The following CRKL variants were observed in gnomAD, a reference collection of about 807,000 sequenced individuals.
The protein encoded by CRKL is crk-like protein.
Under a neutral mutation model 23.0 loss-of-function variants are expected in CRKL, and 3 were observed. The ratio of observed to expected loss-of-function variants is 0.13; its 90% CI spans 0.06 to 0.34. The LOEUF is 0.34. Among genes scored for constraint, CRKL ranks in the 10% least tolerant of loss-of-function variants. The pLI, the probability that CRKL is intolerant of heterozygous loss-of-function variation, is 1.00. For missense variants in CRKL, 256 were observed against 394.5 expected, an observed-to-expected ratio of 0.65 and a Z score of 2.97; for synonymous variants, 188 against 160.7, an observed-to-expected ratio of 1.17 and a Z score of -1.28.
At chr22:20,925,648 G>T (rs1285571933) in intron 1 of CRKL, among the ~76,000 whole-genome samples, 2 of 152,178 alleles carry the variant, frequency 1.3e-5, no homozygotes, top group Admixed American at 6.5e-5. Context: ...AAGTTGGGTG[G>T]GGCCACCAGG....
intron 2 of CRKL, among the ~76,000 whole-genome samples, chr22:20,936,394 G>T (rs1921661708): frequency 6.6e-6 from 1 of 152,152 alleles, no homozygotes. Flanking sequence ...TGTTGCCCAG[G>T]CTGGAGTGCA....
rs1323323655 is a variant in CRKL, at chr22:20,953,677, C to G, written c.*3832C>G. ...CGTTTTACGTTACTGGTCCCAGCAT[C>G]AAAACCCTTGTTTCCATGGCCTGTT... On this transcript the variant is annotated 3_prime_UTR_variant, in exon 3 of 3. Coordinates refer to ENST00000354336, the MANE Select transcript of CRKL (RefSeq NM_005207.4). The G allele has an allele frequency of 3.6e-5, 7 of 196,604 alleles. No individual in the cohort carries two copies. The Admixed American group carries it at 4.3e-4, about 12-fold the overall frequency. 12.2% of individuals were successfully genotyped at this position (196,604 alleles called of 1,614,324 possible). A position where few individuals can be genotyped will look rare whatever the true frequency, so the allele number is the denominator to read the frequency against.
At chr22:20,918,530 C>T (rs1929775955) in intron 1 of CRKL, among the ~76,000 whole-genome samples, 2 of 151,260 alleles carry the variant, frequency 1.3e-5, no homozygotes, top group East Asian at 1.9e-4. Context: ...CGCTTTTTGC[C>T]TTTCGTGACT....
chr22:20,947,496 C>T (rs964249090), intron 2 of CRKL, among the ~76,000 whole-genome samples: 57 of 151,906 alleles, frequency 3.8e-4, no homozygotes, highest in African/African-American at 1.3e-3. Flanking sequence ...TCTGCCACCA[C>T]GCCTGGTGAT....
chr22:20,927,111 CAA>C (rs371278201), intron 1 of CRKL, among the ~76,000 whole-genome samples: 132 of 48,454 alleles, frequency 2.7e-3, no homozygotes, highest in Middle Eastern at 0.023. Flanking sequence ...GACTCCGTCT[CAA>C]AAAAAAAAAA....
chr22:20,941,342 C>G (rs947990194), intron 2 of CRKL, among the ~76,000 whole-genome samples: 12 of 151,886 alleles, frequency 7.9e-5, no homozygotes, highest in Admixed American at 7.2e-4. Flanking sequence ...TCCTCCTCCA[C>G]CCTTCTGTCT....
intron 1 of CRKL, among the ~76,000 whole-genome samples, chr22:20,920,653 C>CT (rs751367707): frequency 3.9e-5 from 6 of 152,166 alleles, no homozygotes; most frequent in African/African-American, 9.7e-5. Flanking sequence ...TCTTTGCCCT[C>CT]TTTCGTCCTT....
At chr22:20,933,607 G>A (rs1293557245) in intron 1 of CRKL, among the ~76,000 whole-genome samples, 172 bp from the exon 2 acceptor site, 1 of 151,992 alleles carries the variant, frequency 6.6e-6, no homozygotes, top group Non-Finnish European at 1.5e-5. Context: ...GGCAGAGTTT[G>A]CAGTGAGCTA....
At chr22:20,927,733 C>T (rs1921276483) in intron 1 of CRKL, among the ~76,000 whole-genome samples, 1 of 143,040 alleles carries the variant, frequency 7.0e-6, no homozygotes, top group East Asian at 2.2e-4. Flanking sequence ...ATCCCAGCTA[C>T]TTGGGACGCT....
In CRKL at chr22:20,918,879, C is replaced by T. The variant is rs574860770; in HGVS notation, c.311+634C>T. On this transcript the variant is annotated intron_variant, in intron 1 of 2. Coordinates refer to ENST00000354336, the MANE Select transcript of CRKL (RefSeq NM_005207.4). ...TGCTGGGATTACAGGCGTGAGCCAC[C>T]ACACCCGGCCAAAAACCGTTTTTAA... 1.9e-4 allele frequency among the ~76,000 whole-genome samples: 29 copies of T among 152,208 alleles called. No homozygotes were observed. In the East Asian group the frequency reaches 5.0e-3, roughly 26 times the overall value.
chr22:20,929,378 G>A (rs569625482), intron 1 of CRKL, among the ~76,000 whole-genome samples: 15 of 152,020 alleles, frequency 9.9e-5, no homozygotes, highest in Non-Finnish European at 2.2e-4. Context: ...TGTTAGCCAG[G>A]ATGGTCTCGA....
intron 2 of CRKL, among the ~76,000 whole-genome samples, chr22:20,936,268 G>A (rs1272037226): frequency 6.6e-6 from 1 of 152,166 alleles, no homozygotes; most frequent in African/African-American, 2.4e-5. Context: ...CAAACAGCCT[G>A]CCCACAGATA....
In CRKL at chr22:20,934,237, C is replaced by T. The variant is rs2147906146; in HGVS notation, c.770C>T (p.Ala257Val). ...TGTGCTTATGACAAGACTGCCTTGG[C>T]ATTAGAGGTAAAATCTGTTCAGATT... ...VPCAYDKTAL[A>V]LEVGDIVKVT... is the part of the protein sequence containing the mutation. The change falls in exon 2 of 3, where the codon GCA (alanine) becomes GTA (valine). Residue 257 changes from alanine to valine, a missense_variant. Transcript: ENST00000354336. The T allele has an allele frequency of 3.7e-6, 6 of 1,611,742 alleles. No homozygotes were observed. Among genetic ancestry groups the T allele is most frequent in the Non-Finnish European group, 5.1e-6 (6 of 1,178,184 alleles).
At chr22:20,947,953 G>A (rs1922128302) in intron 2 of CRKL, among the ~76,000 whole-genome samples, 1 of 151,838 alleles carries the variant, frequency 6.6e-6, no homozygotes, top group South Asian at 2.1e-4. Context: ...CAAAGTGCTG[G>A]GATTACAGGT....
intron 1 of CRKL, among the ~76,000 whole-genome samples, chr22:20,923,877 T>C (rs1392691605): frequency 6.7e-6 from 1 of 149,044 alleles, no homozygotes; most frequent in Non-Finnish European, 1.5e-5. Flanking sequence ...CGCGCCTGGC[T>C]ACTAAAAAAA....
intron 2 of CRKL, among the ~76,000 whole-genome samples, chr22:20,935,527 T>TC (rs1921623954): frequency 6.6e-6 from 1 of 151,318 alleles, no homozygotes; most frequent in South Asian, 2.1e-4. Context: ...CTTTTCTTTT[T>TC]TTTTTTTTTG....
At chr22:20,921,036 C>T (rs371053793) in intron 1 of CRKL, among the ~76,000 whole-genome samples, 1 of 152,208 alleles carries the variant, frequency 6.6e-6, no homozygotes, top group East Asian at 1.9e-4. Context: ...CACTCCCAAG[C>T]CTGGTTTTCA....
At chr22:20,946,561 G>A (rs1484569704) in intron 2 of CRKL, among the ~76,000 whole-genome samples, 1 of 152,084 alleles carries the variant, frequency 6.6e-6, no homozygotes, top group African/African-American at 2.4e-5. Context: ...TTAATCTGTT[G>A]ATAAGGTCAG....
Position 20,951,474 on chromosome 22 carries a change from A to G in CRKL, c.*1629A>G. 8.7e-6 allele frequency: 2 copies of G among 229,094 alleles called. No individual in the cohort carries two copies. The highest frequency in any genetic ancestry group is 1.7e-5 in the Non-Finnish European group (2 of 115,470). The allele number at this position is 229,094 out of a possible 1,614,324, so 14.2% of individuals were successfully genotyped here. A position where few individuals can be genotyped will look rare whatever the true frequency, so the allele number is the denominator to read the frequency against. On this transcript the variant is annotated 3_prime_UTR_variant, in exon 3 of 3. Transcript: ENST00000354336. Reference sequence around the variant, plus strand: ...ACTGGTATATACGTGTGGTTCATCCATCATCTGCTGCACATAGCAGACTAG... The same window carrying G: ...ACTGGTATATACGTGTGGTTCATCCGTCATCTGCTGCACATAGCAGACTAG...
Sources: gnomAD v4.1 joint callset for allele counts (sites outside exome capture counted in the v4.1 genomes callset) on GRCh38, gnomAD v4.1.1 for gene constraint, MANE v1.5 for transcripts, NCBI Gene and HGNC (gene_info 2026-07-23, HGNC 2026-07-21) for gene names.